The following S100Z variants were observed in gnomAD, a reference collection of about 807,000 sequenced individuals.
S100Z encodes S100 calcium binding protein Z.
Under a neutral mutation model 8.5 loss-of-function variants are expected in S100Z, and 11 were observed. That is an observed-to-expected ratio of 1.30 (90% confidence interval 0.82 to 2.15). The LOEUF (loss-of-function observed/expected upper bound fraction) is 2.15. Among genes scored for constraint, S100Z ranks in the 30% most tolerant of loss-of-function variants. The pLI, the probability that S100Z is intolerant of heterozygous loss-of-function variation, is 0.00. For synonymous variants in S100Z, 34 were observed against 43.8 expected (o/e 0.78, Z 0.89); for missense variants, 126 against 117.9 (o/e 1.07, Z -0.32).
downstream of S100Z, among the ~76,000 whole-genome samples, chr5:76,924,147 T>G (rs1700654): frequency 6.6e-6 from 1 of 151,964 alleles, no homozygotes; most frequent in Admixed American, 6.6e-5. Flanking sequence ...TGGTCCTGTT[T>G]GATTCCCAAA....
At chr5:76,864,386 ATTTTTTTTTTTTT>A (rs56206322) in intron 1 of S100Z, among the ~76,000 whole-genome samples, 1,049 of 72,188 alleles carry the variant, frequency 0.015, 17 homozygotes, top group African/African-American at 0.049. Flanking sequence ...TGCATACTAT[ATTTTTTTTTTTTT>A]TTTTTTTTTT....
Position 76,875,012 on chromosome 5 carries a change from GTAGC to G in S100Z, c.-56-286_-56-283del, listed in dbSNP as rs780794537. 9.2e-3 allele frequency among the ~76,000 whole-genome samples: 1,406 copies of G among 152,148 alleles called. 21 individuals are homozygous for G. The highest frequency in any genetic ancestry group is 0.032 in the African/African-American group (1,320 of 41,510). ...CCGTTCTCCTGCCTCAGCCTCCTGA[GTAGC>G]TAGCTGGGACTACAGGCGCCCGCCG... On this transcript the variant is annotated intron_variant, in intron 2 of 4. Transcript: ENST00000317593.
At chr5:76,917,627 A>G (rs1446838131) in intron 4 of S100Z, among the ~76,000 whole-genome samples, 3 of 152,204 alleles carry the variant, frequency 2.0e-5, no homozygotes, top group Admixed American at 6.5e-5. Context: ...GTTCGAGACC[A>G]GCCTGGCCAA....
chr5:76,857,475 C>T (rs1750917038), intron 1 of S100Z, among the ~76,000 whole-genome samples: 1 of 151,552 alleles, frequency 6.6e-6, no homozygotes, highest in Non-Finnish European at 1.5e-5. Flanking sequence ...GTAGGATTTG[C>T]CCCCACCTCC....
At chr5:76,881,348 C>A (rs1743396188) in intron 4 of S100Z, among the ~76,000 whole-genome samples, 1 of 152,148 alleles carries the variant, frequency 6.6e-6, no homozygotes. Flanking sequence ...AGGCCTCTAC[C>A]CACCCAGTGA....
chr5:76,898,854 T>C (rs1438584133), intron 4 of S100Z, among the ~76,000 whole-genome samples: 1 of 152,090 alleles, frequency 6.6e-6, no homozygotes, highest in Non-Finnish European at 1.5e-5. Context: ...TTGGAATAGT[T>C]TGAGTAAGAT....
intron 4 of S100Z, among the ~76,000 whole-genome samples, chr5:76,885,935 GA>G (rs1227937283): frequency 2.1e-5 from 3 of 142,030 alleles, no homozygotes; most frequent in Admixed American, 1.4e-4. Context: ...TGCCTCCCAG[GA>G]AAGTGGAGAG....
At chr5:76,894,528 A>G (rs911008479) in intron 4 of S100Z, among the ~76,000 whole-genome samples, 11 of 152,192 alleles carry the variant, frequency 7.2e-5, no homozygotes, top group Non-Finnish European at 1.6e-4. Flanking sequence ...CGCATGGAAG[A>G]AAGACTGGAA....
the S100Z span, among the ~76,000 whole-genome samples, chr5:76,937,752 C>CA: frequency 1.3e-3 from 95 of 73,334 alleles, 2 homozygotes; most frequent in African/African-American, 3.7e-3. Context: ...GACCCTGTCT[C>CA]AAAAAAAAAA....
At chr5:76,886,216 C>A (rs374404099) in intron 4 of S100Z, among the ~76,000 whole-genome samples, 22 of 152,230 alleles carry the variant, frequency 1.4e-4, no homozygotes, top group Non-Finnish European at 3.2e-4. Context: ...ATCAGGCAGG[C>A]GACCTGCAAT....
chr5:76,856,964 G>A (rs1750898010), intron 1 of S100Z, among the ~76,000 whole-genome samples: 1 of 152,200 alleles, frequency 6.6e-6, no homozygotes. Context: ...GAACATGAAG[G>A]AAGAAGAATT....
At chr5:76,936,616 T>TACACACACACACACACACAC in the S100Z span, among the ~76,000 whole-genome samples, 1 of 134,068 alleles carries the variant, frequency 7.5e-6, no homozygotes, top group African/African-American at 2.8e-5. Context: ...TTAAAGTTCC[T>TACACACACACACACACACAC]ACACACACAC....
At chr5:76,867,519 C>G (rs1401036522) in intron 1 of S100Z, among the ~76,000 whole-genome samples, 1 of 151,834 alleles carries the variant, frequency 6.6e-6, no homozygotes, top group Non-Finnish European at 1.5e-5. Flanking sequence ...TTACAAATAT[C>G]TTTTCTCCTT....
the S100Z span, among the ~76,000 whole-genome samples, chr5:76,952,092 A>AAAG: frequency 6.6e-6 from 1 of 152,218 alleles, no homozygotes; most frequent in African/African-American, 2.4e-5. Context: ...TTTTGGACAC[A>AAAG]AAGAAGAAAT....
intron 4 of S100Z, among the ~76,000 whole-genome samples, chr5:76,899,798 G>A (rs73122027): frequency 0.095 from 14,453 of 152,088 alleles, 2,092 homozygotes; most frequent in African/African-American, 0.32. Context: ...CAGTTGCAGT[G>A]TTATTCTTTG....
intron 4 of S100Z, among the ~76,000 whole-genome samples, chr5:76,910,293 G>A (rs1744603912): frequency 6.6e-6 from 1 of 152,148 alleles, no homozygotes; most frequent in African/African-American, 2.4e-5. Context: ...GCAGATATCA[G>A]GAGAAAGCTC....
intron 4 of S100Z, among the ~76,000 whole-genome samples, chr5:76,888,348 T>A (rs1385526120): frequency 6.7e-6 from 1 of 149,372 alleles, no homozygotes; most frequent in Non-Finnish European, 1.5e-5. Context: ...TTTTTTTTTT[T>A]TCCTGGGAAA....
intron 4 of S100Z, among the ~76,000 whole-genome samples, chr5:76,900,040 C>A (rs1219590085): frequency 6.6e-6 from 1 of 152,152 alleles, no homozygotes; most frequent in Non-Finnish European, 1.5e-5. Flanking sequence ...TTTCCTTCAG[C>A]ACTTTAAATA....
chr5:76,931,584 A>G, the S100Z span, among the ~76,000 whole-genome samples: 1 of 152,284 alleles, frequency 6.6e-6, no homozygotes, highest in Admixed American at 6.5e-5. Flanking sequence ...TCAGTCCATA[A>G]TAGGAGGTGT....
Sources: allele counts gnomAD v4.1 joint callset (sites outside exome capture counted in the v4.1 genomes callset), GRCh38; gene constraint gnomAD v4.1.1; transcripts MANE v1.5; gene names NCBI Gene and HGNC (gene_info 2026-07-23, HGNC 2026-07-21).